The following ALMS1 variants were observed in gnomAD, a reference collection of about 807,000 sequenced individuals.
The protein encoded by ALMS1 is centrosome-associated protein ALMS1.
Under a neutral mutation model 352.2 loss-of-function variants are expected in ALMS1, and 271 were observed. The observed-to-expected ratio is 0.77, with a 90% confidence interval of 0.70 to 0.85. The LOEUF is 0.85. Ranked by LOEUF, ALMS1 falls within the 40% of genes least tolerant of loss-of-function variation. The pLI, the probability that ALMS1 is intolerant of heterozygous loss-of-function variation, is 0.00. For synonymous variants in ALMS1, 1,865 were observed against 1,761.2 expected, an observed-to-expected ratio of 1.06 and a Z score of -1.48; for missense variants, 5,445 against 4,870.7, an observed-to-expected ratio of 1.12 and a Z score of -3.51.
intron 15 of ALMS1, among the ~76,000 whole-genome samples, chr2:73,562,715 C>G (rs930957140): frequency 4.0e-5 from 6 of 151,844 alleles, no homozygotes; most frequent in Middle Eastern, 3.2e-3. Context: ...TGGAGGATCC[C>G]CATATCTATT....
chr2:73,499,386 T>A (rs1255515851), intron 10 of ALMS1, among the ~76,000 whole-genome samples: 1 of 152,184 alleles, frequency 6.6e-6, no homozygotes, highest in Non-Finnish European at 1.5e-5. Flanking sequence ...TTCGCTTTGG[T>A]TACCTGTGCT....
chr2:73,512,093 TCTCA>T (rs1012068924), intron 10 of ALMS1, among the ~76,000 whole-genome samples: 6 of 152,182 alleles, frequency 3.9e-5, no homozygotes, highest in East Asian at 3.9e-4. Context: ...TGAGATGGAG[TCTCA>T]CTCTGTCACC....
Position 73,448,686 on chromosome 2 carries a change from A to G in ALMS1, c.2159A>G (p.Glu720Gly), listed in dbSNP as rs763132581. 6.2e-7 allele frequency: 1 copy of G among 1,604,874 alleles called. No homozygotes were observed. Among genetic ancestry groups the G allele is most frequent in the East Asian group, 2.2e-5 (1 of 44,516 alleles). ...CTCTCTACTCCCCACTCACATAGAG[A>G]GAAGCCTGGTATTTTTTACCAACAA... ...TVLSTPHSHR[E>G]KPGIFYQQEF... Residue 720 changes from glutamate (E) to glycine (G), a missense_variant, in exon 8 of 23, where the codon GAG becomes GGG. Physicochemically the swap from Glu to Gly is moderately conservative, Grantham distance 98. Transcript: ENST00000613296.
chr2:73,588,677 T>C (rs1675359678), intron 16 of ALMS1, among the ~76,000 whole-genome samples: 1 of 152,178 alleles, frequency 6.6e-6, no homozygotes, highest in South Asian at 2.1e-4. Flanking sequence ...AGATGGTGAA[T>C]GATTTCTCTG....
At chr2:73,558,401 A>G (rs1674587737) in intron 14 of ALMS1, among the ~76,000 whole-genome samples, 2 of 152,242 alleles carry the variant, frequency 1.3e-5, no homozygotes, top group African/African-American at 4.8e-5. Flanking sequence ...GAATGTTCCA[A>G]AAACAGTTTT....
intron 7 of ALMS1, among the ~76,000 whole-genome samples, chr2:73,446,979 A>G (rs911721212): frequency 9.9e-5 from 15 of 152,190 alleles, no homozygotes; most frequent in Non-Finnish European, 2.1e-4. Context: ...ACCATCTGAC[A>G]CATCATATGT....
At chr2:73,486,829 C>G (rs979529844) in intron 9 of ALMS1, among the ~76,000 whole-genome samples, 1 of 152,090 alleles carries the variant, frequency 6.6e-6, no homozygotes, top group Non-Finnish European at 1.5e-5. Context: ...GCAGGAGGAT[C>G]CCTTGAATCC....
intron 2 of ALMS1, among the ~76,000 whole-genome samples, chr2:73,409,990 C>T (rs1389072888): frequency 6.6e-6 from 1 of 152,220 alleles, no homozygotes; most frequent in Non-Finnish European, 1.5e-5. Flanking sequence ...CTTGCTCAGC[C>T]TTTTGTTGTA....
chr2:73,539,284 G>A lies in ALMS1; in HGVS notation c.9907+4335G>A, dbSNP rs189711571. Among the ~76,000 whole-genome samples the A allele has an allele frequency of 1.2e-3, 179 of 152,268 alleles. No individual in the cohort carries two copies. The East Asian group carries it at 0.015, about 12-fold the overall frequency. ...TACCCAGGCAAATAGGGTCTGGAGT[G>A]GACCTCCAGCAAACTCCAACAGACC... On this transcript the variant is annotated intron_variant, in intron 12 of 22. Coordinates refer to ENST00000613296, the MANE Select transcript of ALMS1 (RefSeq NM_001378454.1).
chr2:73,537,554 C>A (rs1221146166), intron 12 of ALMS1, among the ~76,000 whole-genome samples: 1 of 152,102 alleles, frequency 6.6e-6, no homozygotes, highest in East Asian at 1.9e-4. Flanking sequence ...CATTAGCTGA[C>A]CATTAAGCTA....
intron 7 of ALMS1, among the ~76,000 whole-genome samples, chr2:73,433,793 C>T (rs759658612): frequency 4.5e-4 from 69 of 152,116 alleles, no homozygotes; most frequent in African/African-American, 1.4e-3. Flanking sequence ...TCTTTCCTTG[C>T]CATAAGTCTA....
At chr2:73,419,806 T>C (rs1452008390) in intron 3 of ALMS1, among the ~76,000 whole-genome samples, 3 of 152,228 alleles carry the variant, frequency 2.0e-5, no homozygotes, top group Non-Finnish European at 2.9e-5. Context: ...CTTGCTGCTT[T>C]CCTCTGTTTA....
chr2:73,434,068 A>T (rs1458980773), intron 7 of ALMS1, among the ~76,000 whole-genome samples: 3 of 150,718 alleles, frequency 2.0e-5, no homozygotes, highest in Admixed American at 1.3e-4. Flanking sequence ...TGGTTTCTTT[A>T]TTTTTTTCTA....
rs554578271 is a variant in ALMS1, at chr2:73,542,568, C to A, written c.9907+7619C>A. Among the ~76,000 whole-genome samples, 8 of 152,246 alleles carry A rather than the reference C, an allele frequency of 5.3e-5. No individual in the cohort carries two copies. The East Asian group carries it at 1.5e-3, about 29-fold the overall frequency. ...GTATTCAATTAGGAAAAGAGGAACT[C>A]AAATTGTCCCTGTTTGCAGATGACA... On this transcript the variant is annotated intron_variant, in intron 12 of 22. Coordinates refer to ENST00000613296, the MANE Select transcript of ALMS1 (RefSeq NM_001378454.1).
intron 3 of ALMS1, among the ~76,000 whole-genome samples, chr2:73,419,851 T>C (rs536292310): frequency 1.3e-5 from 2 of 152,336 alleles, no homozygotes; most frequent in South Asian, 2.1e-4. Flanking sequence ...TTATAAAAGA[T>C]AAACTTTAAG....
At position 73,558,978 on chromosome 2, in the gene ALMS1, G is replaced by C; in HGVS notation, c.10220G>C (p.Ser3407Thr). 6.2e-7 allele frequency: 1 copy of C among 1,613,880 alleles called. No individual in the cohort carries two copies. Among genetic ancestry groups the C allele is most frequent in the South Asian group, 1.1e-5 (1 of 91,072 alleles). ...ESLQKDTADSSAAAAAEHSAQ... is the reference protein window; with the variant it reads ...ESLQKDTADSTAAAAAEHSAQ... ...GTTAATTTCCCTTTCGTAGATTCCA[G>C]TGCTGCTGCTGCTGCAGAGCACTCA... is the stretch of plus-strand genomic sequence containing the variant. Residue 3407 changes from serine to threonine, a missense_variant, in exon 15 of 23, where the codon AGT (serine) becomes ACT (threonine). By Grantham distance (58) the Ser-to-Thr change is moderately conservative. Transcript: ENST00000613296.
chr2:73,564,065 T>C (rs1674727680), intron 15 of ALMS1, among the ~76,000 whole-genome samples: 1 of 151,850 alleles, frequency 6.6e-6, no homozygotes, highest in African/African-American at 2.4e-5. Context: ...TCTGTGTGTG[T>C]GCATGCATGC....
Position 73,455,301 on chromosome 2 carries a change from A to C in ALMS1, c.7674+6A>C. On this transcript the variant is annotated splice_donor_region_variant and intron_variant, in intron 9 of 22. Transcript: ENST00000613296. The stretch of plus-strand genomic sequence containing the variant: ...GAACAACTGACTTGTCCAAGGTATA[A>C]AAGAAATCTGGAAATGAAGAAAGTA... The C allele has an allele frequency of 6.2e-7, 1 of 1,613,954 alleles. No homozygotes were observed. Among genetic ancestry groups the C allele is most frequent in the Non-Finnish European group, 8.5e-7 (1 of 1,179,934 alleles).
At chr2:73,398,264 G>A (rs191312521) in intron 1 of ALMS1, among the ~76,000 whole-genome samples, 5 of 152,144 alleles carry the variant, frequency 3.3e-5, no homozygotes, top group East Asian at 1.9e-4. Flanking sequence ...TATTGCCTTC[G>A]TTTTTTGGTC....
Sources: allele counts gnomAD v4.1 joint callset (sites outside exome capture counted in the v4.1 genomes callset), GRCh38; gene constraint gnomAD v4.1.1; transcripts MANE v1.5; gene names NCBI Gene and HGNC (gene_info 2026-07-23, HGNC 2026-07-21).